ZNF860: variants seen among roughly 807,000 people sequenced by gnomAD.
ZNF860 encodes zinc finger protein 860.
For missense variants in ZNF860, 641 were observed against 759.2 expected, an observed-to-expected ratio of 0.84 and a Z score of 1.83; for synonymous variants, 206 against 248.9, an observed-to-expected ratio of 0.83 and a Z score of 1.62.
the ZNF860 span, among the ~76,000 whole-genome samples, chr3:31,997,389 C>T: frequency 7.3e-5 from 11 of 151,694 alleles, no homozygotes; most frequent in African/African-American, 2.4e-4. Context: ...CTCAGCCTCC[C>T]AAGTCACTGG....
the ZNF860 span, among the ~76,000 whole-genome samples, chr3:32,003,870 A>T: frequency 6.6e-6 from 1 of 152,138 alleles, no homozygotes; most frequent in Admixed American, 6.5e-5. Flanking sequence ...TTGGAGGGAC[A>T]AAGTAGAAAG....
chr3:31,992,151 A>C (rs1699039689), downstream of ZNF860, among the ~76,000 whole-genome samples: 1 of 151,956 alleles, frequency 6.6e-6, no homozygotes. Flanking sequence ...ATCTCAAAAA[A>C]AAAAAAAAAA....
At chr3:31,998,580 T>C in the ZNF860 span, among the ~76,000 whole-genome samples, 3 of 152,232 alleles carry the variant, frequency 2.0e-5, no homozygotes, top group African/African-American at 4.8e-5. Flanking sequence ...TCCTTATCTG[T>C]CCCTTTCATT....
At chr3:32,002,124 T>C in the ZNF860 span, among the ~76,000 whole-genome samples, 1 of 152,188 alleles carries the variant, frequency 6.6e-6, no homozygotes, top group African/African-American at 2.4e-5. Flanking sequence ...CAAGTCCATC[T>C]AGGGGAAAAC....
chr3:31,990,867 T>C lies in ZNF860; in HGVS notation c.1788T>C (p.Cys596=), dbSNP rs1699019632. 2 of 1,577,794 alleles carry C rather than the reference T, an allele frequency of 1.3e-6. No individual in the cohort carries two copies. Among genetic ancestry groups the C allele is most frequent in the Non-Finnish European group, 1.7e-6 (2 of 1,160,582 alleles). ...RIHMGEKHHK[C]DDCGKAFTSH... ...ATATGGGAGAGAAACATCACAAGTGTGATGATTGTGGCAAAGCCTTTACTT... is the reference window on the plus strand; with the variant it reads ...ATATGGGAGAGAAACATCACAAGTGCGATGATTGTGGCAAAGCCTTTACTT... The change falls in exon 2 of 2, where the codon TGT becomes TGC. Residue 596 remains cysteine (C), a synonymous_variant. Coordinates refer to ENST00000360311, the MANE Select transcript of ZNF860 (RefSeq NM_001137674.3).
In ZNF860 at chr3:31,990,360, G is replaced by A. The variant is rs138977513; in HGVS notation, c.1281G>A (p.Lys427=). ...TCCATAATGAAGAGAGATCTTACAA[G>A]TGTAATAAATGTGGCAAATTTTTTA... ...WRIHNEERSY[K]CNKCGKFFRR... is the part of the protein sequence containing the mutation. Residue 427 remains lysine, a synonymous_variant, in exon 2 of 2, where the codon AAG becomes AAA. Coordinates refer to ENST00000360311, the MANE Select transcript of ZNF860 (RefSeq NM_001137674.3). 3.4e-3 allele frequency: 5,562 copies of A among 1,613,958 alleles called. 43 individuals are homozygous for A. In the East Asian group the frequency reaches 0.036, roughly 10 times the overall value.
At position 31,989,440 on chromosome 3, in the gene ZNF860, A is replaced by T; in HGVS notation, c.361A>T (p.Arg121Ter). Residue 121 changes from arginine (R) to a stop codon, truncating the protein, a stop_gained, in exon 2 of 2, where the codon AGA (arginine) becomes TGA (stop). Transcript: ENST00000360311. LOFTEE classifies it low-confidence loss of function (END_TRUNC). Reference protein sequence around the residue: ...DFEFQWQEDKRNSHEATMTQI... With the variant: ...DFEFQWQEDK ...TGAGTTTCAATGGCAAGAAGACAAA[A>T]GAAATAGCCATGAAGCAACTATGAC... is the stretch of plus-strand genomic sequence containing the variant. 1 of 1,614,236 alleles carries T rather than the reference A, an allele frequency of 6.2e-7. No homozygotes were observed. Among genetic ancestry groups the T allele is most frequent in the East Asian group, 2.2e-5 (1 of 44,888 alleles).
At chr3:32,003,647 T>G in the ZNF860 span, among the ~76,000 whole-genome samples, 3 of 152,200 alleles carry the variant, frequency 2.0e-5, no homozygotes, top group African/African-American at 7.2e-5. Flanking sequence ...ATAATCCTCT[T>G]TCTCGTCTCT....
At chr3:32,002,339 A>C in the ZNF860 span, among the ~76,000 whole-genome samples, 3 of 152,226 alleles carry the variant, frequency 2.0e-5, no homozygotes, top group Non-Finnish European at 2.9e-5. Context: ...ACACCAGGAG[A>C]ACCATAGGGT....
intron 1 of ZNF860, among the ~76,000 whole-genome samples, chr3:31,984,493 G>A (rs1227064617): frequency 2.6e-5 from 4 of 152,096 alleles, no homozygotes. Flanking sequence ...AGGACCTGAT[G>A]AGCCAGTTTA....
chr3:31,983,479 G>A (rs1214857835), intron 1 of ZNF860, among the ~76,000 whole-genome samples: 2 of 152,230 alleles, frequency 1.3e-5, no homozygotes, highest in African/African-American at 4.8e-5. Context: ...ACCAGTTCAA[G>A]TGGGGAAGGA....
chr3:31,993,332 C>T (rs574053849), downstream of ZNF860, among the ~76,000 whole-genome samples: 455 of 152,102 alleles, frequency 3.0e-3, 9 homozygotes, highest in Non-Finnish European at 1.8e-3. Context: ...GCCTCAGCCT[C>T]CCGGTAGCTG....
chr3:31,994,491 A>AGGATGGATGGAT (rs200832488), downstream of ZNF860, among the ~76,000 whole-genome samples: 11 of 149,766 alleles, frequency 7.3e-5, no homozygotes, highest in South Asian at 2.1e-4. Context: ...AGGGAAAAAA[A>AGGATGGATGGAT]GGATGGATGG....
the ZNF860 span, among the ~76,000 whole-genome samples, chr3:31,997,177 G>C: frequency 3.3e-5 from 5 of 152,200 alleles, no homozygotes; most frequent in East Asian, 9.7e-4. Context: ...TATGTGCACA[G>C]CAGAGCCCTG....
Position 31,990,377 on chromosome 3 carries a change from A to G in ZNF860, c.1298A>G (p.Lys433Arg). 6.2e-7 allele frequency: 1 copy of G among 1,614,098 alleles called. No homozygotes were observed. Among genetic ancestry groups the G allele is most frequent in the Middle Eastern group, 1.7e-4 (1 of 6,060 alleles). ...TCTTACAAGTGTAATAAATGTGGCA[A>G]ATTTTTTAGACGTCGTTCATATCTC... The part of the protein sequence containing the change: ...ERSYKCNKCG[K>R]FFRRRSYLVV... The change falls in exon 2 of 2, where the codon AAA becomes AGA. Residue 433 changes from lysine to arginine, a missense_variant. Transcript: ENST00000360311.
chr3:31,994,308 C>A (rs1699065605), downstream of ZNF860, among the ~76,000 whole-genome samples: 1 of 152,176 alleles, frequency 6.6e-6, no homozygotes, highest in African/African-American at 2.4e-5. Context: ...CTATAACTTA[C>A]TTGTGGCAGT....
At chr3:32,003,380 G>A in the ZNF860 span, among the ~76,000 whole-genome samples, 1 of 152,198 alleles carries the variant, frequency 6.6e-6, no homozygotes, top group Non-Finnish European at 1.5e-5. Flanking sequence ...GTTTCCTAAG[G>A]CACCTGGTTT....
At chr3:31,984,699 C>T (rs1698909204) in intron 1 of ZNF860, among the ~76,000 whole-genome samples, 3 of 152,174 alleles carry the variant, frequency 2.0e-5, no homozygotes, top group African/African-American at 7.2e-5. Flanking sequence ...CTCTCTTAAG[C>T]CTGTGGCCTT....
chr3:32,000,477 G>A, the ZNF860 span, among the ~76,000 whole-genome samples: 3 of 152,304 alleles, frequency 2.0e-5, no homozygotes, highest in South Asian at 6.2e-4. Flanking sequence ...CTGTGAGGGC[G>A]AAATGAAATT....
Sources: allele counts gnomAD v4.1 joint callset (sites outside exome capture counted in the v4.1 genomes callset), GRCh38; gene constraint gnomAD v4.1.1; transcripts MANE v1.5; gene names NCBI Gene and HGNC (gene_info 2026-07-23, HGNC 2026-07-21).